Variants in TTC7B observed in about 807,000 individuals in gnomAD.
TTC7B encodes the protein tetratricopeptide repeat domain 7B.
TTC7B carries 28 observed loss-of-function variants against 106.8 expected under a neutral mutation model. The observed-to-expected ratio is 0.26, with a 90% CI of 0.19 to 0.36. The LOEUF (loss-of-function observed/expected upper bound fraction) is 0.36. TTC7B is among the 10% of genes least tolerant of loss of function. The pLI is 1.00. For synonymous variants in TTC7B, 405 were observed against 430.6 expected (o/e 0.94, Z 0.74); for missense variants, 862 against 1,076.4 (o/e 0.80, Z 2.79).
chr14:90,791,771 T>TGAGCA lies in TTC7B; in HGVS notation c.122-5448_122-5444dup, dbSNP rs542900952. On this transcript the variant is annotated intron_variant, in intron 1 of 19. Transcript: ENST00000328459. ...CAAGCTGGAAGCCACCTATTGAGGA[T>TGAGCA]GAGCAGAGCAGAGCAGCGCCACACA... Among the ~76,000 whole-genome samples, 75 of 152,132 alleles carry TGAGCA rather than the reference T, an allele frequency of 4.9e-4. No homozygotes were observed. In the East Asian group the frequency reaches 0.014, roughly 29 times the overall value.
At chr14:90,744,717 G>T (rs1889892836) in intron 4 of TTC7B, 75 bp downstream of exon 4, 1 of 1,493,014 alleles carries the variant, frequency 6.7e-7, no homozygotes, top group Non-Finnish European at 9.2e-7. Context: ...AAGCTTCCTA[G>T]AGATTAATCT....
chr14:90,568,583 G>A (rs1426248001), intron 19 of TTC7B, among the ~76,000 whole-genome samples: 2 of 152,142 alleles, frequency 1.3e-5, no homozygotes, highest in African/African-American at 2.4e-5. Flanking sequence ...GCCTGCCCTG[G>A]GCCCATGAAG....
chr14:90,527,082 C>T lies in TTC7B; in HGVS notation c.*14286G>A, dbSNP rs1282150240. On this transcript the variant is annotated 3_prime_UTR_variant, in exon 20 of 20. Coordinates refer to ENST00000328459, the MANE Select transcript of TTC7B (RefSeq NM_001010854.2). Reference sequence around the variant, plus strand: ...AGAAAGTTCATCGGTTTGGGTTTGTCTGATGTTTTCTCATGATTACACTGG... The same window carrying T: ...AGAAAGTTCATCGGTTTGGGTTTGTTTGATGTTTTCTCATGATTACACTGG... 1 of 151,888 alleles carries T rather than the reference C, an allele frequency of 6.6e-6. No individual in the cohort carries two copies. Among genetic ancestry groups the T allele is most frequent in the Non-Finnish European group, 1.5e-5 (1 of 68,010 alleles). The allele number at this position is 151,888 out of a possible 1,614,324, so 9.4% of individuals were successfully genotyped here. A position where few individuals can be genotyped will look rare whatever the true frequency, so the allele number is the denominator to read the frequency against.
chr14:90,650,664 A>C (rs1277123500), intron 13 of TTC7B, among the ~76,000 whole-genome samples: 1 of 152,226 alleles, frequency 6.6e-6, no homozygotes, highest in African/African-American at 2.4e-5. Context: ...TGGGCCATGC[A>C]ATGAAAGGTG....
Position 90,690,260 on chromosome 14 carries a change from A to C in TTC7B, c.778-548T>G, listed in dbSNP as rs146637473. Among the ~76,000 whole-genome samples the C allele has an allele frequency of 5.9e-3, 893 of 152,336 alleles. 5 individuals are homozygous for C. Among genetic ancestry groups the C allele is most frequent in the Middle Eastern group, 0.014 (4 of 294 alleles). On this transcript the variant is annotated intron_variant, in intron 6 of 19. Coordinates refer to ENST00000328459, the MANE Select transcript of TTC7B (RefSeq NM_001010854.2). ...GCACCTGAGTGTCTACTCTCAGTGC[A>C]TCCTGGGCTCCTGGCCCAGAGGTTT...
At chr14:90,815,248 C>G (rs1299318364) in intron 1 of TTC7B, among the ~76,000 whole-genome samples, 2 of 152,162 alleles carry the variant, frequency 1.3e-5, no homozygotes, top group African/African-American at 2.4e-5. Context: ...TACTAAAAGA[C>G]AAGCAAATAT....
intron 4 of TTC7B, among the ~76,000 whole-genome samples, chr14:90,734,059 T>C (rs1207564072): frequency 6.6e-6 from 1 of 152,216 alleles, no homozygotes. Context: ...AAAATCTTTA[T>C]TTCTTAACAT....
Position 90,617,838 on chromosome 14 carries a change from G to A in TTC7B, c.1868+91C>T, listed in dbSNP as rs748182533. Reference sequence around the variant, plus strand: ...CCTGGAGGTGCACAGGGGTGACAGAGTTAATGCCTGCTAAATGCCAATCAG... The same window carrying A: ...CCTGGAGGTGCACAGGGGTGACAGAATTAATGCCTGCTAAATGCCAATCAG... On this transcript the variant is annotated intron_variant, in intron 16 of 19. Coordinates refer to ENST00000328459, the MANE Select transcript of TTC7B (RefSeq NM_001010854.2). The A allele has an allele frequency of 1.3e-4, 132 of 993,492 alleles. 1 individual carries two copies. Among genetic ancestry groups the A allele is most frequent in the Non-Finnish European group, 2.0e-4 (126 of 629,028 alleles). 61.5% of individuals were successfully genotyped at this position (993,492 alleles called of 1,614,324 possible).
intron 9 of TTC7B, among the ~76,000 whole-genome samples, chr14:90,661,688 C>T (rs1042562720): frequency 6.6e-6 from 1 of 152,138 alleles, no homozygotes; most frequent in Non-Finnish European, 1.5e-5. Flanking sequence ...AATAACACCA[C>T]CAAGTACTTC....
In TTC7B at chr14:90,630,286, T is replaced by C. The variant is rs570131089; in HGVS notation, c.1752-12241A>G. On this transcript the variant is annotated intron_variant, in intron 15 of 19. Transcript: ENST00000328459. The stretch of plus-strand genomic sequence containing the variant: ...GCCAAAGCCTCACAGAAAGAGGACA[T>C]CCATGCGCGTGGGGTGCTGGGAGGC... 6.5e-4 allele frequency among the ~76,000 whole-genome samples: 99 copies of C among 152,232 alleles called. 1 individual carries two copies. Among genetic ancestry groups the C allele is most frequent in the Middle Eastern group, 6.8e-3 (2 of 294 alleles).
Position 90,607,112 on chromosome 14 carries a change from C to T in TTC7B, c.1966+3630G>A, listed in dbSNP as rs184851953. On this transcript the variant is annotated intron_variant, in intron 17 of 19. Transcript: ENST00000328459. ...ATTGCTAAAACTCACTGGTGGGTAA[C>T]GGGAATATTAGTATCTCTGTTCTGG... Among the ~76,000 whole-genome samples the T allele has an allele frequency of 2.1e-4, 32 of 152,026 alleles. 1 individual carries two copies. In the East Asian group the frequency reaches 2.9e-3, roughly 14 times the overall value.
At chr14:90,786,609 C>A (rs1030095022) in intron 1 of TTC7B, among the ~76,000 whole-genome samples, 1 of 151,750 alleles carries the variant, frequency 6.6e-6, no homozygotes, top group African/African-American at 2.4e-5. Flanking sequence ...GATGGAGTTT[C>A]GCTCTTGTTG....
rs746836672 is a variant in TTC7B at position 90,608,481 on chromosome 14, G to A, written c.1966+2261C>T. Among the ~76,000 whole-genome samples, 7 of 152,146 alleles carry A rather than the reference G, an allele frequency of 4.6e-5. No individual in the cohort carries two copies. The highest frequency in any genetic ancestry group is 8.8e-5 in the Non-Finnish European group (6 of 68,026). ...TCTGTGGCAGTGCCTGGGAGGCTGT[G>A]GCTTCCCTGTTGTTGAGGAAGGGCA... is the stretch of plus-strand genomic sequence containing the variant. On this transcript the variant is annotated intron_variant, in intron 17 of 19. Coordinates refer to ENST00000328459, the MANE Select transcript of TTC7B (RefSeq NM_001010854.2). The surrounding 1 kb of genome is among the most constrained non-coding windows in gnomAD (Gnocchi z 5.1).
intron 8 of TTC7B, among the ~76,000 whole-genome samples, chr14:90,679,256 A>C (rs2030485791): frequency 6.6e-6 from 1 of 152,222 alleles, no homozygotes; most frequent in South Asian, 2.1e-4. Flanking sequence ...TTGCTCTTGT[A>C]AACATCAGTG....
At chr14:90,586,571 T>G (rs1286475) in intron 18 of TTC7B, among the ~76,000 whole-genome samples, 1 of 152,114 alleles carries the variant, frequency 6.6e-6, no homozygotes, top group Non-Finnish European at 1.5e-5. Context: ...CACCCGGCTG[T>G]TCCCCAAGCT....
At chr14:90,756,385 T>G (rs201894185) in intron 3 of TTC7B, among the ~76,000 whole-genome samples, 25 of 7,358 alleles carry the variant, frequency 3.4e-3, no homozygotes, top group Non-Finnish European at 0.011. Flanking sequence ...TTTTTTTTTG[T>G]TTTTTTTTTT....
Position 90,645,409 on chromosome 14 carries a change from A to C in TTC7B, c.1591-1201T>G, listed in dbSNP as rs1052342816. Among the ~76,000 whole-genome samples the C allele has an allele frequency of 5.3e-5, 8 of 152,250 alleles. No homozygotes were observed. In the East Asian group the frequency reaches 1.2e-3, roughly 22 times the overall value. ...AGGAAGCTGAAGTCCCGGGAGGTGA[A>C]ATGGCTTGGGAAAGGTCACCCAGCT... On this transcript the variant is annotated intron_variant, in intron 14 of 19. Coordinates refer to ENST00000328459, the MANE Select transcript of TTC7B (RefSeq NM_001010854.2).
At position 90,525,524 on chromosome 14, in the gene TTC7B, G is replaced by C. The variant is rs1278447801; in HGVS notation, c.*15844C>G. The C allele has an allele frequency of 6.6e-6, 1 of 151,378 alleles. No individual in the cohort carries two copies. The highest frequency in any genetic ancestry group is 2.4e-5 in the African/African-American group (1 of 41,206). 9.4% of individuals were successfully genotyped at this position (151,378 alleles called of 1,614,324 possible). ...GCCCGGCTCGGTAGCCTGATCAGTC[G>C]CGTTCCCGGCTGCGTCTCCGGTCAC... On this transcript the variant is annotated 3_prime_UTR_variant, in exon 20 of 20. Coordinates refer to ENST00000328459, the MANE Select transcript of TTC7B (RefSeq NM_001010854.2).
chr14:90,579,473 A>G (rs1338370678), intron 18 of TTC7B, among the ~76,000 whole-genome samples: 2 of 152,242 alleles, frequency 1.3e-5, no homozygotes, highest in Non-Finnish European at 2.9e-5. Context: ...AACAGCACAC[A>G]AAATAGAAAG....
Sources: allele counts gnomAD v4.1 joint callset (sites outside exome capture counted in the v4.1 genomes callset), GRCh38; gene constraint gnomAD v4.1.1; non-coding constraint Gnocchi (gnomAD v3.1); transcripts MANE v1.5; gene names NCBI Gene and HGNC (gene_info 2026-07-23, HGNC 2026-07-21).